Variants in ACOXL observed in about 807,000 individuals in gnomAD.
The protein encoded by ACOXL is acyl-CoA oxidase like.
ACOXL carries 70 observed loss-of-function variants against 71.9 expected under a neutral mutation model. That is an observed-to-expected ratio of 0.97 (90% CI 0.80 to 1.19). The LOEUF (loss-of-function observed/expected upper bound fraction) is 1.19, where lower values mean the gene tolerates loss of function less well. ACOXL is among the 50% of genes most tolerant of loss of function. The pLI is 0.00. For synonymous variants in ACOXL, 253 were observed against 281.6 expected (o/e 0.90, Z 1.02); for missense variants, 703 against 736.3 (o/e 0.95, Z 0.52).
chr2:110,984,435 C>G (rs1558826435), intron 12 of ACOXL, among the ~76,000 whole-genome samples: 1 of 152,048 alleles, frequency 6.6e-6, no homozygotes, highest in Non-Finnish European at 1.5e-5. Context: ...GTCTGTAATG[C>G]CCAAATCCCG....
chr2:110,859,005 C>T lies in ACOXL; in HGVS notation c.788+17600C>T, dbSNP rs17041584. On this transcript the variant is annotated intron_variant, in intron 10 of 17. Transcript: ENST00000439055. ...ATAAAATTCGCCACTCATCTACATGCGTTTCTCCATTTCTATATGACAATT... is the reference window on the plus strand; with the variant it reads ...ATAAAATTCGCCACTCATCTACATGTGTTTCTCCATTTCTATATGACAATT... Among the ~76,000 whole-genome samples, 728 of 152,298 alleles carry T rather than the reference C, an allele frequency of 4.8e-3. 6 individuals carry two copies. The highest frequency in any genetic ancestry group is 0.017 in the African/African-American group (699 of 41,560).
chr2:110,983,876 GTC>G (rs1448254861), intron 12 of ACOXL, among the ~76,000 whole-genome samples: 2 of 152,090 alleles, frequency 1.3e-5, no homozygotes, highest in Admixed American at 1.3e-4. Context: ...TGGAGACAGA[GTC>G]TCACTCTGTC....
chr2:110,890,131 T>A (rs1234930509), intron 10 of ACOXL, among the ~76,000 whole-genome samples: 1 of 152,220 alleles, frequency 6.6e-6, no homozygotes, highest in Non-Finnish European at 1.5e-5. Context: ...TCAGATTCTT[T>A]ATCCATGTTT....
chr2:110,995,975 C>G lies in ACOXL; in HGVS notation c.1252C>G (p.Arg418Gly). The G allele has an allele frequency of 1.3e-6, 2 of 1,591,066 alleles. No homozygotes were observed. The highest frequency in any genetic ancestry group is 1.7e-6 in the Non-Finnish European group (2 of 1,179,088). The change falls in exon 14 of 18, where the codon CGG becomes GGG. Residue 418 changes from arginine to glycine, a missense_variant. Transcript: ENST00000439055. ...GAAATTTCGTGAAAGGGTTCTTCAG[C>G]GGGGTTTGGTGGCCAGAATTTATTA... ...AVKFRERVLQRGLVARIYYKV... is the reference protein window; with the variant it reads ...AVKFRERVLQGGLVARIYYKV...
chr2:110,969,827 A>G (rs568343511), intron 12 of ACOXL, among the ~76,000 whole-genome samples: 20 of 152,078 alleles, frequency 1.3e-4, no homozygotes, highest in Non-Finnish European at 2.6e-4. Flanking sequence ...AAAGAAAAAA[A>G]AAAGAATGCT....
intron 13 of ACOXL, among the ~76,000 whole-genome samples, chr2:110,988,069 T>G (rs1259634924): frequency 6.6e-6 from 1 of 152,258 alleles, no homozygotes; most frequent in African/African-American, 2.4e-5. Flanking sequence ...GAGCAGTGGC[T>G]ACCTTCCTAT....
At chr2:111,077,600 A>T (rs193228054) in intron 16 of ACOXL, among the ~76,000 whole-genome samples, 19 of 152,072 alleles carry the variant, frequency 1.2e-4, no homozygotes, top group African/African-American at 4.1e-4. Flanking sequence ...GCTTTTAACA[A>T]TTTTTTTAGA....
At chr2:110,840,159 T>G (rs1690981690) in intron 9 of ACOXL, among the ~76,000 whole-genome samples, 1 of 152,100 alleles carries the variant, frequency 6.6e-6, no homozygotes. Context: ...CCTGGCTAAT[T>G]TTTTGTATTT....
chr2:110,988,975 GT>G (rs2063059079), intron 13 of ACOXL, among the ~76,000 whole-genome samples: 1 of 150,140 alleles, frequency 6.7e-6, no homozygotes, highest in East Asian at 2.0e-4. Flanking sequence ...TTTGTGGCTT[GT>G]CTTATATTTT....
At chr2:110,987,336 A>C (rs2062978491) in intron 13 of ACOXL, 119 bp downstream of exon 13, 8 of 843,714 alleles carry the variant, frequency 9.5e-6, no homozygotes, top group Middle Eastern at 2.9e-4. Flanking sequence ...TGTATGCAAG[A>C]AATCTGTGAA....
intron 10 of ACOXL, among the ~76,000 whole-genome samples, chr2:110,870,441 G>A (rs1695134497): frequency 6.6e-6 from 1 of 152,006 alleles, no homozygotes; most frequent in Non-Finnish European, 1.5e-5. Flanking sequence ...GAACACAGAA[G>A]TGGACTGAAT....
chr2:111,012,519 G>T (rs1217619573), intron 14 of ACOXL, among the ~76,000 whole-genome samples: 2 of 152,100 alleles, frequency 1.3e-5, no homozygotes, highest in Non-Finnish European at 2.9e-5. Context: ...GGCATTTATT[G>T]AAAACTACAC....
intron 9 of ACOXL, among the ~76,000 whole-genome samples, chr2:110,818,761 C>T (rs1226941881): frequency 6.6e-6 from 1 of 152,030 alleles, no homozygotes; most frequent in African/African-American, 2.4e-5. Flanking sequence ...CATAGAAATT[C>T]CTTCCCTTGA....
intron 12 of ACOXL, among the ~76,000 whole-genome samples, chr2:110,948,997 T>G (rs1043874140): frequency 6.6e-6 from 1 of 151,428 alleles, no homozygotes; most frequent in African/African-American, 2.4e-5. Flanking sequence ...CAGCTTGACT[T>G]AGATCTGATG....
chr2:111,026,818 A>G (rs967414265), intron 14 of ACOXL, among the ~76,000 whole-genome samples: 2 of 152,172 alleles, frequency 1.3e-5, no homozygotes, highest in Non-Finnish European at 2.9e-5. Context: ...ATTGAAAACT[A>G]CTCAGTTACA....
At chr2:111,003,581 A>AAAAAAAG (rs1558855365) in intron 14 of ACOXL, among the ~76,000 whole-genome samples, 1 of 147,290 alleles carries the variant, frequency 6.8e-6, no homozygotes, top group African/African-American at 2.6e-5. Context: ...AAAAAAAAAG[A>AAAAAAAG]ATCACAGAAC....
intron 9 of ACOXL, among the ~76,000 whole-genome samples, chr2:110,824,586 CAT>C (rs1688964261): frequency 6.6e-6 from 1 of 151,602 alleles, no homozygotes; most frequent in African/African-American, 2.4e-5. Flanking sequence ...TTTCCTTTTT[CAT>C]TTCTATTTTG....
intron 10 of ACOXL, among the ~76,000 whole-genome samples, chr2:110,894,284 C>A (rs865791862): frequency 6.9e-6 from 1 of 144,942 alleles, no homozygotes; most frequent in Middle Eastern, 3.4e-3. Context: ...TTTTCCTAGA[C>A]AAGGTACTGG....
rs1020816390 is a variant in ACOXL, at chr2:111,050,105, A to G, written c.1440+817A>G. Among the ~76,000 whole-genome samples, 6 of 152,254 alleles carry G rather than the reference A, an allele frequency of 3.9e-5. No homozygotes were observed. The South Asian group carries it at 1.0e-3, about 26-fold the overall frequency. Reference sequence around the variant, plus strand: ...CATGATGTCACTTCAGTGCTGTACCACCAGGAAACCGCGTGCACCAGGAAT... The same window carrying G: ...CATGATGTCACTTCAGTGCTGTACCGCCAGGAAACCGCGTGCACCAGGAAT... On this transcript the variant is annotated intron_variant, in intron 16 of 17. Coordinates refer to ENST00000439055, the MANE Select transcript of ACOXL (RefSeq NM_001142807.4).
Sources: allele counts gnomAD v4.1 joint callset (sites outside exome capture counted in the v4.1 genomes callset), GRCh38; gene constraint gnomAD v4.1.1; transcripts MANE v1.5; gene names NCBI Gene and HGNC (gene_info 2026-07-23, HGNC 2026-07-21).